OPCML: variants seen among roughly 807,000 people sequenced by gnomAD.
OPCML encodes the protein opioid binding protein/cell adhesion molecule like, also known as opioid-binding protein/cell adhesion molecule.
In OPCML, 13 loss-of-function variants were observed where a neutral mutation model predicts 37.8. That is an observed-to-expected ratio of 0.34 (90% CI 0.22 to 0.55). OPCML has a LOEUF of 0.55. OPCML is among the 20% of genes least tolerant of loss of function. The pLI, the probability that OPCML is intolerant of heterozygous loss-of-function variation, is 0.91. For missense variants in OPCML, 341 were observed against 435.6 expected (o/e 0.78, Z 1.93); for synonymous variants, 176 against 168.8 (o/e 1.04, Z -0.33).
chr11:133,089,066 T>A (rs1021673442), intron 1 of OPCML, among the ~76,000 whole-genome samples: 1 of 152,186 alleles, frequency 6.6e-6, no homozygotes, highest in South Asian at 2.1e-4. Context: ...ATTTGACCCA[T>A]AATATAGAAT....
At chr11:133,293,068 C>T (rs748231756) in intron 1 of OPCML, among the ~76,000 whole-genome samples, 1 of 152,150 alleles carries the variant, frequency 6.6e-6, no homozygotes, top group Non-Finnish European at 1.5e-5. Flanking sequence ...CTGAGTCACT[C>T]AGAGCTAGGC....
At chr11:132,718,021 C>G (rs1007333420) in intron 2 of OPCML, among the ~76,000 whole-genome samples, 1 of 152,196 alleles carries the variant, frequency 6.6e-6, no homozygotes, top group Non-Finnish European at 1.5e-5. Flanking sequence ...TCCACACCAT[C>G]GTCAAGGTGC....
chr11:133,292,009 C>A lies in OPCML; in HGVS notation c.61+240255G>T, dbSNP rs556146820. 1.8e-4 allele frequency among the ~76,000 whole-genome samples: 28 copies of A among 152,270 alleles called. No individual in the cohort carries two copies. In the South Asian group the frequency reaches 1.9e-3, roughly 10 times the overall value. On this transcript the variant is annotated intron_variant, in intron 1 of 7. Transcript: ENST00000524381. ...AGTTTTATAAACTATTTATTAGGCC[C>A]GTCCTGGAGAGCTACATCAATATGG...
intron 3 of OPCML, among the ~76,000 whole-genome samples, chr11:132,614,926 G>A (rs983029561): frequency 6.6e-6 from 1 of 152,288 alleles, no homozygotes; most frequent in African/African-American, 2.4e-5. Flanking sequence ...TTTTGCCACT[G>A]TACTGCCTGA....
intron 1 of OPCML, among the ~76,000 whole-genome samples, chr11:133,358,002 T>G (rs1944328869): frequency 6.6e-6 from 1 of 152,004 alleles, no homozygotes; most frequent in Non-Finnish European, 1.5e-5. Context: ...CCATAGACAC[T>G]CCAGTGCGAG....
chr11:132,567,625 A>G (rs79775955), intron 3 of OPCML, among the ~76,000 whole-genome samples: 3,717 of 152,296 alleles, frequency 0.024, 115 homozygotes, highest in East Asian at 0.056. Flanking sequence ...GGCCTTGAAA[A>G]TTATGTTTAA....
chr11:133,438,463 A>G (rs1374200392), intron 1 of OPCML, among the ~76,000 whole-genome samples: 1 of 152,224 alleles, frequency 6.6e-6, no homozygotes, highest in Non-Finnish European at 1.5e-5. Flanking sequence ...AAAAAAGTTC[A>G]TTTTAAACTC....
chr11:133,459,304 C>CA (rs1355362316), intron 1 of OPCML, among the ~76,000 whole-genome samples: 1 of 151,628 alleles, frequency 6.6e-6, no homozygotes, highest in African/African-American at 2.4e-5. Context: ...AACAGTCATG[C>CA]AAAAAATGAG....
chr11:133,204,880 A>ATATATATATGTGTG (rs1555114194), intron 1 of OPCML, among the ~76,000 whole-genome samples: 7 of 26,340 alleles, frequency 2.7e-4, no homozygotes, highest in African/African-American at 1.3e-3. Flanking sequence ...ATATATATAT[A>ATATATATATGTGTG]TATATATATA....
chr11:132,910,420 G>T (rs1343186746), intron 2 of OPCML, among the ~76,000 whole-genome samples: 1 of 152,214 alleles, frequency 6.6e-6, no homozygotes, highest in Non-Finnish European at 1.5e-5. Context: ...ATTTCATACC[G>T]CAAGAGGCAG....
chr11:133,484,099 T>C (rs1230529016), intron 1 of OPCML, among the ~76,000 whole-genome samples: 1 of 148,162 alleles, frequency 6.7e-6, no homozygotes, highest in Admixed American at 6.6e-5. Context: ...GATGAATAGA[T>C]AGATTAGATA....
At chr11:132,461,663 C>T (rs536962921) in intron 4 of OPCML, among the ~76,000 whole-genome samples, 1 of 152,174 alleles carries the variant, frequency 6.6e-6, no homozygotes, top group South Asian at 2.1e-4. Flanking sequence ...TCTCATACTG[C>T]TAATAAAGAC....
At chr11:132,573,180 CCAAA>C (rs911554114) in intron 3 of OPCML, among the ~76,000 whole-genome samples, 5 of 151,562 alleles carry the variant, frequency 3.3e-5, no homozygotes, top group African/African-American at 1.2e-4. Context: ...CACATAGTCT[CCAAA>C]CAGTTATAAT....
chr11:133,495,783 G>A (rs1947773154), intron 1 of OPCML, among the ~76,000 whole-genome samples: 1 of 151,590 alleles, frequency 6.6e-6, no homozygotes, highest in Non-Finnish European at 1.5e-5. Context: ...TGACTTTGTT[G>A]TAGATTCTGG....
chr11:132,573,462 G>A lies in OPCML; in HGVS notation c.380-44276C>T, dbSNP rs563037679. On this transcript the variant is annotated intron_variant, in intron 3 of 7. Transcript: ENST00000524381. ...ATACTGTGTTGAGAGTATTTATCAC[G>A]AAAGGACATTACATTTTGTCCAACA... 3.9e-5 allele frequency among the ~76,000 whole-genome samples: 6 copies of A among 151,964 alleles called. No individual in the cohort carries two copies. In the East Asian group the frequency reaches 5.8e-4, roughly 15 times the overall value.
chr11:132,565,022 A>T (rs1482937410), intron 3 of OPCML, among the ~76,000 whole-genome samples: 3 of 152,204 alleles, frequency 2.0e-5, no homozygotes, highest in African/African-American at 7.2e-5. Flanking sequence ...TCCAACAAGA[A>T]GAGGTAAGTG....
intron 2 of OPCML, among the ~76,000 whole-genome samples, chr11:132,932,882 A>T (rs1591819962): frequency 6.6e-6 from 1 of 151,900 alleles, no homozygotes; most frequent in South Asian, 2.1e-4. Context: ...TTTAATCAGG[A>T]AATTGAGGCT....
intron 1 of OPCML, chr11:133,301,283 T>C (rs1227429761): frequency 6.6e-6 from 1 of 152,192 alleles, no homozygotes; most frequent in Non-Finnish European, 1.5e-5. Context: ...ATGCAATATA[T>C]AGTTTTTGAA....
chr11:132,724,855 G>C (rs1208969453), intron 2 of OPCML, among the ~76,000 whole-genome samples: 2 of 152,204 alleles, frequency 1.3e-5, no homozygotes, highest in Non-Finnish European at 2.9e-5. Flanking sequence ...AAATCTTAAA[G>C]CTCCAAAATG....
Sources: gnomAD v4.1 joint callset for allele counts (sites outside exome capture counted in the v4.1 genomes callset) on GRCh38, gnomAD v4.1.1 for gene constraint, MANE v1.5 for transcripts, NCBI Gene and HGNC (gene_info 2026-07-23, HGNC 2026-07-21) for gene names.